CEP85L: variants seen among roughly 807,000 people sequenced by gnomAD.
The protein encoded by CEP85L is centrosomal protein 85L.
In CEP85L, 60 loss-of-function variants were observed where a neutral mutation model predicts 100.3. The observed-to-expected ratio is 0.60, with a 90% confidence interval of 0.49 to 0.74. The LOEUF (loss-of-function observed/expected upper bound fraction) is 0.74. Ranked by LOEUF, CEP85L falls within the 30% of genes least tolerant of loss-of-function variation. The pLI, the probability that CEP85L is intolerant of heterozygous loss-of-function variation, is 0.00. For missense variants in CEP85L, 973 were observed against 936.2 expected (o/e 1.04, Z -0.51); for synonymous variants, 319 against 322.7 (o/e 0.99, Z 0.12).
intron 5 of CEP85L, among the ~76,000 whole-genome samples, chr6:118,507,733 T>A (rs1039038030): frequency 6.6e-6 from 1 of 152,182 alleles, no homozygotes; most frequent in Non-Finnish European, 1.5e-5. Context: ...CAAAACACTA[T>A]TCCTTCACCC....
intron 2 of CEP85L, among the ~76,000 whole-genome samples, chr6:118,607,357 C>G (rs1343592705): frequency 1.3e-5 from 2 of 152,126 alleles, no homozygotes; most frequent in African/African-American, 4.8e-5. Context: ...GAAAGACCCA[C>G]CCATTGCAGC....
intron 5 of CEP85L, among the ~76,000 whole-genome samples, chr6:118,493,760 G>GA (rs1335712615): frequency 6.6e-6 from 1 of 152,058 alleles, no homozygotes; most frequent in Non-Finnish European, 1.5e-5. Context: ...AGGTTATATA[G>GA]AAAAATAGGT....
Position 118,494,382 on chromosome 6 carries a change from G to A in CEP85L, c.1258-2517C>T, listed in dbSNP as rs542514942. Among the ~76,000 whole-genome samples, 3 of 152,316 alleles carry A rather than the reference G, an allele frequency of 2.0e-5. No individual in the cohort carries two copies. The South Asian group carries it at 6.2e-4, about 32-fold the overall frequency. On this transcript the variant is annotated intron_variant, in intron 5 of 12. Transcript: ENST00000368491. The stretch of plus-strand genomic sequence containing the variant: ...GCCAGAGCATTCTGTTCTTAAAAAT[G>A]CCTGCCGTCAGGAGAAACTATTTTA...
At chr6:118,647,028 AC>A (rs1350977524) in intron 1 of CEP85L, 1 of 985,190 alleles carries the variant, frequency 1.0e-6, no homozygotes, top group Non-Finnish European at 1.2e-6. Flanking sequence ...TTCACCCCTT[AC>A]CCCCCAATAC....
At chr6:118,598,227 A>G (rs1206664105) in intron 2 of CEP85L, among the ~76,000 whole-genome samples, 1 of 152,112 alleles carries the variant, frequency 6.6e-6, no homozygotes, top group African/African-American at 2.4e-5. Context: ...CACATTTTTA[A>G]AAAGATCTCC....
At chr6:118,649,465 AGAAAACAAT>A (rs1190410815) in intron 1 of CEP85L, among the ~76,000 whole-genome samples, 2 of 152,224 alleles carry the variant, frequency 1.3e-5, no homozygotes, top group Non-Finnish European at 2.9e-5. Context: ...TCTTCTTCCT[AGAAAACAAT>A]GAAAAATAGA....
Position 118,651,445 on chromosome 6 carries a change from T to C in CEP85L, c.-176A>G. The C allele has an allele frequency of 7.6e-7, 1 of 1,323,482 alleles. No individual in the cohort carries two copies. The highest frequency in any genetic ancestry group is 9.6e-7 in the Non-Finnish European group (1 of 1,040,132). The allele number at this position is 1,323,482 out of a possible 1,614,324, so 82.0% of individuals were successfully genotyped here. A position where few individuals can be genotyped will look rare whatever the true frequency, so the allele number is the denominator to read the frequency against. ...CGGGCGGGGAGCGCAGGGGCCAGATTCGCCGCACTGCCGGCGCCTGCCATG... is the reference window on the plus strand; with the variant it reads ...CGGGCGGGGAGCGCAGGGGCCAGATCCGCCGCACTGCCGGCGCCTGCCATG... On this transcript the variant is annotated 5_prime_UTR_variant, in exon 1 of 13. Transcript: ENST00000368491.
At chr6:118,706,199 T>C (rs1777588598) in intron 1 of CEP85L, among the ~76,000 whole-genome samples, 3 of 152,230 alleles carry the variant, frequency 2.0e-5, no homozygotes. Context: ...GGGATTATTT[T>C]TAGTTTCATT....
chr6:118,644,425 T>C (rs1775059185), intron 1 of CEP85L, among the ~76,000 whole-genome samples: 1 of 151,978 alleles, frequency 6.6e-6, no homozygotes, highest in African/African-American at 2.4e-5. Flanking sequence ...ACCAAGTAAT[T>C]CTCAAATTCC....
intron 1 of CEP85L, among the ~76,000 whole-genome samples, chr6:118,690,432 C>T (rs888770401): frequency 6.6e-6 from 1 of 152,140 alleles, no homozygotes; most frequent in Non-Finnish European, 1.5e-5. Context: ...TGCTCCCTGG[C>T]CGGACTCTGA....
chr6:118,600,300 G>GGGGGGGGTGTGTGT (rs1562297733), intron 2 of CEP85L, among the ~76,000 whole-genome samples: 1 of 52,236 alleles, frequency 1.9e-5, no homozygotes, highest in Admixed American at 2.1e-4. Context: ...CCTTCCTGGG[G>GGGGGGGGTGTGTGT]GTGTGTGTGT....
chr6:118,476,140 G>A (rs1293968119), intron 10 of CEP85L, among the ~76,000 whole-genome samples: 3 of 151,992 alleles, frequency 2.0e-5, no homozygotes, highest in Admixed American at 1.3e-4. Context: ...TCCCCCCCGC[G>A]ACATAACTGA....
intron 11 of CEP85L, 92 bp downstream of exon 11, chr6:118,470,445 C>A (rs1414301713): frequency 3.3e-6 from 2 of 609,036 alleles, no homozygotes; most frequent in African/African-American, 1.9e-5. Flanking sequence ...AAAATCATGT[C>A]TTTAATCTGA....
At chr6:118,685,547 A>G (rs951462665) in intron 1 of CEP85L, among the ~76,000 whole-genome samples, 8 of 144,190 alleles carry the variant, frequency 5.5e-5, no homozygotes, top group African/African-American at 2.1e-4. Flanking sequence ...TAAAAATACA[A>G]CAACAAGATT....
At position 118,600,300 on chromosome 6, in the gene CEP85L, G is replaced by GGGGGTGTGTGTGTGTGTGTGTGTGTGTGT. The variant is rs1562297733; in HGVS notation, c.232+32152_232+32153insACACACACACACACACACACACACACCCC. ...CTGCCTGTCCCTGAGCCTTCCTGGG[G>GGGGGTGTGTGTGTGTGTGTGTGTGTGTGT]GTGTGTGTGTGTGTGTGTGTGTGTG... On this transcript the variant is annotated intron_variant, in intron 2 of 12. Coordinates refer to ENST00000368491, the MANE Select transcript of CEP85L (RefSeq NM_001042475.3). Among the ~76,000 whole-genome samples the GGGGGTGTGTGTGTGTGTGTGTGTGTGTGT allele has an allele frequency of 7.7e-5, 4 of 52,236 alleles. 1 individual carries two copies. Among genetic ancestry groups the GGGGGTGTGTGTGTGTGTGTGTGTGTGTGT allele is most frequent in the Non-Finnish European group, 1.6e-4 (4 of 24,784 alleles). The allele number at this position is 52,236 out of a possible 152,430, so 34.3% of individuals were successfully genotyped here.
At chr6:118,470,239 G>C (rs1038970450) in intron 11 of CEP85L, among the ~76,000 whole-genome samples, 3 of 152,024 alleles carry the variant, frequency 2.0e-5, no homozygotes, top group Admixed American at 6.6e-5. Context: ...AATTGGAACT[G>C]TATTTCAGAA....
chr6:118,467,102 A>C (rs555655330), intron 12 of CEP85L, among the ~76,000 whole-genome samples: 26 of 152,210 alleles, frequency 1.7e-4, no homozygotes, highest in African/African-American at 5.8e-4. Context: ...AGGGAAGGAA[A>C]GTGTGTTCTG....
intron 1 of CEP85L, among the ~76,000 whole-genome samples, chr6:118,650,840 A>G (rs1160811975): frequency 1.3e-5 from 2 of 152,090 alleles, no homozygotes; most frequent in East Asian, 3.9e-4. Context: ...CCGCGAGCAA[A>G]CGGGCAAGCC....
intron 1 of CEP85L, among the ~76,000 whole-genome samples, chr6:118,685,220 T>A (rs1776793080): frequency 6.6e-6 from 1 of 152,176 alleles, no homozygotes; most frequent in Non-Finnish European, 1.5e-5. Flanking sequence ...TAAAACAACA[T>A]AAGAAGTTGA....
Sources: gnomAD v4.1 joint callset for allele counts (sites outside exome capture counted in the v4.1 genomes callset) on GRCh38, gnomAD v4.1.1 for gene constraint, MANE v1.5 for transcripts, NCBI Gene and HGNC (gene_info 2026-07-23, HGNC 2026-07-21) for gene names.